Variants in SYTL3 observed in about 807,000 individuals in gnomAD.
SYTL3 encodes the protein synaptotagmin-like protein 3.
A neutral mutation model predicts 82.1 loss-of-function variants in SYTL3; 88 were observed. The ratio of observed to expected loss-of-function variants is 1.07; its 90% CI spans 0.90 to 1.28. SYTL3 has a LOEUF of 1.28. SYTL3 is among the 50% of genes most tolerant of loss of function. The probability of loss-of-function intolerance (pLI) is 0.00; values close to 1 mark genes in which losing one functional copy is unlikely to be tolerated. For missense variants in SYTL3, 831 were observed against 757.6 expected, an observed-to-expected ratio of 1.10 and a Z score of -1.14; for synonymous variants, 311 against 289.4, an observed-to-expected ratio of 1.07 and a Z score of -0.76.
At position 158,745,570 on chromosome 6, in the gene SYTL3, T is replaced by C; in HGVS notation, c.946T>C (p.Tyr316His). Reference sequence around the variant, plus strand: ...TGGAGAAATAGAATTTGCCATTCATTATTGCTTCAAAACCCATTCTTTAGA... The same window carrying C: ...TGGAGAAATAGAATTTGCCATTCATCATTGCTTCAAAACCCATTCTTTAGA... ...VTGEIEFAIH[Y>H]CFKTHSLEIC... Residue 316 changes from tyrosine (Y) to histidine (H), a missense_variant, in exon 12 of 18, where the codon TAT (tyrosine) becomes CAT (histidine). Tyr to His is a moderately conservative substitution (Grantham distance 83). Transcript: ENST00000611299. 6.2e-7 allele frequency: 1 copy of C among 1,613,864 alleles called. No individual in the cohort carries two copies. The highest frequency in any genetic ancestry group is 8.5e-7 in the Non-Finnish European group (1 of 1,179,948).
At chr6:158,662,595 GA>G (rs1248557285) in intron 3 of SYTL3, among the ~76,000 whole-genome samples, 154 bp from the exon 4 acceptor site, 1 of 152,050 alleles carries the variant, frequency 6.6e-6, no homozygotes, top group Non-Finnish European at 1.5e-5. Context: ...TTAGAAATAT[GA>G]GAAGTGTTAT....
intron 2 of SYTL3, among the ~76,000 whole-genome samples, chr6:158,652,557 T>A (rs1788152659): frequency 6.6e-6 from 1 of 151,746 alleles, no homozygotes; most frequent in Admixed American, 6.6e-5. Flanking sequence ...CCTTATTTAT[T>A]TTTTTGAGAC....
At chr6:158,660,296 C>A in intron 2 of SYTL3, among the ~76,000 whole-genome samples, 1 of 152,062 alleles carries the variant, frequency 6.6e-6, no homozygotes, top group Non-Finnish European at 1.5e-5. Context: ...AAACAAAAAA[C>A]AAAAAAACCC....
intron 12 of SYTL3, among the ~76,000 whole-genome samples, chr6:158,748,772 G>A (rs1423812645): frequency 6.6e-6 from 1 of 151,620 alleles, no homozygotes; most frequent in Non-Finnish European, 1.5e-5. Flanking sequence ...TTGAACCAGG[G>A]AGGTAGACGT....
rs527348552 is a variant in SYTL3 at position 158,663,071 on chromosome 6, G to A, written c.-198G>A. The A allele has an allele frequency of 1.2e-5, 6 of 483,694 alleles. No homozygotes were observed. Among genetic ancestry groups the A allele is most frequent in the African/African-American group, 7.9e-5 (4 of 50,692 alleles). 30.0% of individuals were successfully genotyped at this position (483,694 alleles called of 1,614,324 possible). A position where few individuals can be genotyped will look rare whatever the true frequency, so the allele number is the denominator to read the frequency against. On this transcript the variant is annotated 5_prime_UTR_variant, in exon 4 of 18. Transcript: ENST00000611299. ...TCCGACAAACGCAGAACTTCTTGAG[G>A]CTTTCTTCTTCTAAGGAGTATGACA...
intron 11 of SYTL3, among the ~76,000 whole-genome samples, chr6:158,739,914 C>A (rs1334558239): frequency 6.6e-6 from 1 of 152,018 alleles, no homozygotes; most frequent in Non-Finnish European, 1.5e-5. Flanking sequence ...TACCAATCCT[C>A]CCTTCAGCTT....
At chr6:158,677,992 C>G (rs572684729) in intron 5 of SYTL3, among the ~76,000 whole-genome samples, 1 of 152,248 alleles carries the variant, frequency 6.6e-6, no homozygotes, top group African/African-American at 2.4e-5. Context: ...TGGGCTCAAG[C>G]AGTCCTCCCA....
intron 6 of SYTL3, among the ~76,000 whole-genome samples, chr6:158,704,759 G>T (rs1206824600): frequency 6.6e-6 from 1 of 152,284 alleles, no homozygotes; most frequent in East Asian, 1.9e-4. Context: ...CTCTAAGAGG[G>T]ATGTGGCTTT....
chr6:158,757,144 A>G (rs543903028), intron 13 of SYTL3, 67 bp from the exon 14 acceptor site: 3 of 1,494,766 alleles, frequency 2.0e-6, no homozygotes, highest in Admixed American at 4.2e-5. Flanking sequence ...GGTGGGGTCC[A>G]GAGATGGGGA....
chr6:158,710,015 A>G (rs900951065), intron 8 of SYTL3, among the ~76,000 whole-genome samples: 5 of 152,260 alleles, frequency 3.3e-5, no homozygotes, highest in African/African-American at 9.6e-5. Flanking sequence ...AGCCTGGGCA[A>G]CAGAGCGCGA....
At chr6:158,706,796 A>G (rs573255941) in intron 6 of SYTL3, among the ~76,000 whole-genome samples, 2 of 152,356 alleles carry the variant, frequency 1.3e-5, no homozygotes, top group Admixed American at 1.3e-4. Context: ...CAGTTTTTAA[A>G]AGATTAATTT....
At chr6:158,674,343 C>A (rs976291700) in intron 5 of SYTL3, among the ~76,000 whole-genome samples, 1 of 152,042 alleles carries the variant, frequency 6.6e-6, no homozygotes, top group Non-Finnish European at 1.5e-5. Flanking sequence ...CTGGCTCTTC[C>A]TTCTATCTTG....
In SYTL3 at chr6:158,672,821, A is replaced by G. The variant is rs189923237; in HGVS notation, c.329+7208A>G. ...TAATTTTTTGTATTTTTTTGTAGAG[A>G]TAGGGGTTTCACCTTGTTGGTCAGG... On this transcript the variant is annotated intron_variant, in intron 5 of 17. Coordinates refer to ENST00000611299, the MANE Select transcript of SYTL3 (RefSeq NM_001242394.2). Among the ~76,000 whole-genome samples the G allele has an allele frequency of 3.3e-5, 5 of 151,724 alleles. No homozygotes were observed. The East Asian group carries it at 9.7e-4, about 29-fold the overall frequency.
intron 12 of SYTL3, among the ~76,000 whole-genome samples, chr6:158,750,058 C>T (rs374365926): frequency 2.0e-5 from 3 of 151,944 alleles, no homozygotes; most frequent in South Asian, 2.1e-4. Flanking sequence ...TGGAATGATA[C>T]GTAGGATTAG....
chr6:158,725,931 C>G (rs1784674742), intron 11 of SYTL3: 1 of 680,344 alleles, frequency 1.5e-6, no homozygotes, highest in African/African-American at 1.8e-5. Flanking sequence ...CTGCAACTCG[C>G]GTAAACAGAT....
intron 11 of SYTL3, among the ~76,000 whole-genome samples, chr6:158,727,689 CTTTT>C (rs55657606): frequency 4.7e-5 from 5 of 106,728 alleles, no homozygotes; most frequent in Admixed American, 1.8e-4. Context: ...TCCAAGTACT[CTTTT>C]TTTTTTTTGA....
At chr6:158,687,513 A>C (rs1336268356) in intron 6 of SYTL3, among the ~76,000 whole-genome samples, 1 of 152,244 alleles carries the variant, frequency 6.6e-6, no homozygotes, top group East Asian at 1.9e-4. Context: ...ATCAGGAAGC[A>C]AGAATCACTG....
intron 9 of SYTL3, 42 bp from the exon 10 acceptor site, chr6:158,718,045 G>A (rs1279170669): frequency 1.4e-6 from 2 of 1,467,450 alleles, no homozygotes; most frequent in South Asian, 1.4e-5. Context: ...TCTCAGCAAA[G>A]CTGCTTGTTC....
intron 9 of SYTL3, among the ~76,000 whole-genome samples, chr6:158,717,538 C>A (rs1777065497): frequency 6.6e-6 from 1 of 152,102 alleles, no homozygotes; most frequent in African/African-American, 2.4e-5. Flanking sequence ...CTTTCTTCAT[C>A]TTTACTCTAG....
Sources: gnomAD v4.1 joint callset for allele counts (sites outside exome capture counted in the v4.1 genomes callset) on GRCh38, gnomAD v4.1.1 for gene constraint, MANE v1.5 for transcripts, NCBI Gene and HGNC (gene_info 2026-07-23, HGNC 2026-07-21) for gene names.